Variants in GABRR3 observed in about 807,000 individuals in gnomAD.
GABRR3 encodes gamma-aminobutyric acid receptor subunit rho-3.
Under a neutral mutation model 43.2 loss-of-function variants are expected in GABRR3, and 29 were observed. That is an observed-to-expected ratio of 0.67 (90% confidence interval 0.50 to 0.92). The LOEUF is 0.92. Ranked by LOEUF, GABRR3 falls within the 40% of genes least tolerant of loss-of-function variation. The pLI, the probability that GABRR3 is intolerant of heterozygous loss-of-function variation, is 0.00. For missense variants in GABRR3, 576 were observed against 572.3 expected, an observed-to-expected ratio of 1.01 and a Z score of -0.07; for synonymous variants, 206 against 195.9, an observed-to-expected ratio of 1.05 and a Z score of -0.43.
chr3:98,034,979 C>G, exon 2 of GABRR3: 1 of 1,612,188 alleles, frequency 6.2e-7, no homozygotes, highest in Non-Finnish European at 8.5e-7. Flanking sequence ...ACTGGAAAGC[C>G]AGGACCATCT....
intron 8 of GABRR3, among the ~76,000 whole-genome samples, chr3:97,993,712 C>T (rs897513860): frequency 6.6e-6 from 1 of 152,096 alleles, no homozygotes; most frequent in Non-Finnish European, 1.5e-5. Flanking sequence ...TTTTCCCCTT[C>T]CACTCTCTTC....
intron 3 of GABRR3, among the ~76,000 whole-genome samples, chr3:98,022,643 G>C (rs1016775982): frequency 3.3e-5 from 5 of 152,118 alleles, no homozygotes; most frequent in Non-Finnish European, 7.3e-5. Context: ...CTTTCACAGA[G>C]CTACCAGACT....
At chr3:98,019,174 G>A (rs1172233029) in intron 3 of GABRR3, among the ~76,000 whole-genome samples, 1 of 151,882 alleles carries the variant, frequency 6.6e-6, no homozygotes, top group Admixed American at 6.6e-5. Context: ...GAAGATAAAA[G>A]AAACAAAGAA....
intron 3 of GABRR3, among the ~76,000 whole-genome samples, chr3:98,023,940 C>T (rs572603162): frequency 1.3e-5 from 2 of 152,278 alleles, no homozygotes; most frequent in South Asian, 2.1e-4. Flanking sequence ...ATGGTTGGCC[C>T]CACCCAGATC....
chr3:98,035,077 A>G, intron 1 of GABRR3, 88 bp from the exon 2 acceptor site: 1 of 1,466,134 alleles, frequency 6.8e-7, no homozygotes, highest in Non-Finnish European at 9.2e-7. Context: ...TTTAAAAAAC[A>G]AACAGCATGT....
intron 9 of GABRR3, among the ~76,000 whole-genome samples, chr3:97,991,351 C>T (rs1706463580): frequency 6.6e-6 from 1 of 152,162 alleles, no homozygotes; most frequent in Non-Finnish European, 1.5e-5. Context: ...TTCATAGTCT[C>T]AGGTCCCACC....
intron 7 of GABRR3, among the ~76,000 whole-genome samples, chr3:98,002,761 CAT>C (rs1706667912): frequency 6.6e-6 from 1 of 152,028 alleles, no homozygotes; most frequent in African/African-American, 2.4e-5. Context: ...TTTCAAATAA[CAT>C]TATTCAAAAC....
At chr3:97,989,871 A>T (rs1706439258) in intron 9 of GABRR3, among the ~76,000 whole-genome samples, 1 of 152,146 alleles carries the variant, frequency 6.6e-6, no homozygotes, top group African/African-American at 2.4e-5. Context: ...AGACCTAAGC[A>T]ACATTCTCCA....
intron 2 of GABRR3, among the ~76,000 whole-genome samples, chr3:98,033,642 GAT>G (rs1306333220): frequency 2.0e-5 from 3 of 152,090 alleles, no homozygotes; most frequent in Admixed American, 6.6e-5. Context: ...AGTGTCCTTT[GAT>G]TTTTAAAATT....
intron 8 of GABRR3, among the ~76,000 whole-genome samples, chr3:97,996,138 A>G (rs766080265): frequency 1.3e-5 from 2 of 152,196 alleles, no homozygotes; most frequent in Non-Finnish European, 2.9e-5. Flanking sequence ...GAAGACAGGC[A>G]CCACTTATGA....
intron 9 of GABRR3, among the ~76,000 whole-genome samples, chr3:97,989,383 TA>T (rs1404933353): frequency 2.8e-5 from 4 of 145,078 alleles, no homozygotes; most frequent in Non-Finnish European, 4.5e-5. Flanking sequence ...TGATGGTGGT[TA>T]GGGGTAGATA....
chr3:97,992,746 T>C (rs1706487142), intron 9 of GABRR3, 106 bp downstream of exon 9: 1 of 1,020,016 alleles, frequency 9.8e-7, no homozygotes, highest in African/African-American at 1.6e-5. Flanking sequence ...TTGACAAGCA[T>C]ATGGACTTAA....
intron 2 of GABRR3, among the ~76,000 whole-genome samples, chr3:98,028,314 G>A (rs1707047109): frequency 6.6e-6 from 1 of 152,234 alleles, no homozygotes; most frequent in South Asian, 2.1e-4. Context: ...CATGGAATTT[G>A]AAGAAATTTT....
At chr3:98,035,052 C>A in intron 1 of GABRR3, 63 bp from the exon 2 acceptor site, 1 of 1,541,518 alleles carries the variant, frequency 6.5e-7, no homozygotes, top group Middle Eastern at 1.7e-4. Context: ...ATCACAGTTT[C>A]TTCTTCATGT....
chr3:98,014,078 AC>A (rs1249256310), intron 4 of GABRR3, among the ~76,000 whole-genome samples: 1 of 151,892 alleles, frequency 6.6e-6, no homozygotes, highest in African/African-American at 2.4e-5. Flanking sequence ...AAACAAACCA[AC>A]AAAAAAACCA....
rs562118583 is a variant in GABRR3 at position 97,991,924 on chromosome 3, A to C, written c.1104+928T>G. On this transcript the variant is annotated intron_variant, in intron 9 of 9. Coordinates refer to ENST00000621172, the Ensembl canonical transcript of GABRR3. The stretch of plus-strand genomic sequence containing the variant: ...TGTGTATAGATATTCTCTACATGGG[A>C]TGTATATGTATACATATATACTATA... Among the ~76,000 whole-genome samples, 4 of 152,274 alleles carry C rather than the reference A, an allele frequency of 2.6e-5. No individual in the cohort carries two copies. The South Asian group carries it at 8.3e-4, about 32-fold the overall frequency.
intron 8 of GABRR3, chr3:98,001,374 A>G: frequency 2.1e-6 from 1 of 482,400 alleles, no homozygotes; most frequent in East Asian, 3.2e-5. Flanking sequence ...TTTCTTTACT[A>G]TCACCCAACT....
At chr3:97,997,715 C>T (rs570545261) in intron 8 of GABRR3, 9 of 152,274 alleles carry the variant, frequency 5.9e-5, no homozygotes, top group African/African-American at 2.2e-4. Context: ...ATCTGAAACA[C>T]CGTGATGAAC....
chr3:98,016,750 T>C (rs1056018496), intron 4 of GABRR3, among the ~76,000 whole-genome samples: 1 of 152,192 alleles, frequency 6.6e-6, no homozygotes, highest in Non-Finnish European at 1.5e-5. Flanking sequence ...TAGGTGCTTG[T>C]ATGTATAAGC....
Sources: allele counts gnomAD v4.1 joint callset (sites outside exome capture counted in the v4.1 genomes callset), GRCh38; gene constraint gnomAD v4.1.1; transcripts MANE v1.5; gene names NCBI Gene and HGNC (gene_info 2026-07-23, HGNC 2026-07-21).